Variants in TENM3 observed in about 807,000 individuals in gnomAD.
The protein encoded by TENM3 is teneurin-3.
Under a neutral mutation model 255.1 loss-of-function variants are expected in TENM3, and 63 were observed. The ratio of observed to expected loss-of-function variants is 0.25; its 90% CI spans 0.20 to 0.30. TENM3 has a LOEUF of 0.30. Among genes scored for constraint, TENM3 ranks in the 10% least tolerant of loss-of-function variants. The pLI is 1.00. For synonymous variants in TENM3, 1,306 were observed against 1,322.3 expected, an observed-to-expected ratio of 0.99 and a Z score of 0.27; for missense variants, 2,929 against 3,461.1, an observed-to-expected ratio of 0.85 and a Z score of 3.86.
At chr4:182,378,633 G>C (rs1042327506) in intron 3 of TENM3, among the ~76,000 whole-genome samples, 1 of 152,144 alleles carries the variant, frequency 6.6e-6, no homozygotes, top group Non-Finnish European at 1.5e-5. Context: ...AACAGGCCTC[G>C]GAAGGGTCAC....
chr4:182,393,236 G>A (rs1768559229), intron 3 of TENM3, among the ~76,000 whole-genome samples: 1 of 152,120 alleles, frequency 6.6e-6, no homozygotes, highest in African/African-American at 2.4e-5. Context: ...ACAGTGTTTA[G>A]TTCAATATGG....
chr4:182,014,612 A>AC, the TENM3 span, among the ~76,000 whole-genome samples: 1 of 151,578 alleles, frequency 6.6e-6, no homozygotes. Flanking sequence ...GGCACATTAG[A>AC]TTTATTAAAT....
chr4:181,511,706 G>C, the TENM3 span, among the ~76,000 whole-genome samples: 1 of 152,308 alleles, frequency 6.6e-6, no homozygotes, highest in East Asian at 1.9e-4. Context: ...GGTAGCCAAT[G>C]AGTACAAGAC....
the TENM3 span, among the ~76,000 whole-genome samples, chr4:181,605,574 G>GAGAGAAAGAA: frequency 1.5e-3 from 34 of 22,012 alleles, 2 homozygotes; most frequent in South Asian, 5.6e-3. Context: ...AAGAAAGAGA[G>GAGAGAAAGAA]AGAAAGAAAG....
chr4:181,580,059 G>A, the TENM3 span, among the ~76,000 whole-genome samples: 50 of 151,410 alleles, frequency 3.3e-4, no homozygotes, highest in Middle Eastern at 3.4e-3. Flanking sequence ...GTGCAGTGGC[G>A]CGATCTCAAC....
At chr4:182,299,943 T>G in intron 1 of TENM3, among the ~76,000 whole-genome samples, 1 of 149,148 alleles carries the variant, frequency 6.7e-6, no homozygotes. Context: ...TGAGATGGAG[T>G]CCCACTCTGT....
the TENM3 span, among the ~76,000 whole-genome samples, chr4:181,760,186 TC>T: frequency 1.3e-5 from 2 of 151,510 alleles, no homozygotes; most frequent in Non-Finnish European, 2.9e-5. Flanking sequence ...TGGAAAGATT[TC>T]CCCCTCTTCC....
the TENM3 span, among the ~76,000 whole-genome samples, chr4:181,901,192 T>C: frequency 8.3e-4 from 126 of 152,240 alleles, no homozygotes; most frequent in East Asian, 0.022. Flanking sequence ...CCAAAAAAAA[T>C]ATATGAGCCT....
chr4:181,703,610 G>A, the TENM3 span, among the ~76,000 whole-genome samples: 1 of 152,178 alleles, frequency 6.6e-6, no homozygotes, highest in African/African-American at 2.4e-5. Context: ...CCCCAAAGCA[G>A]AGGAAAGTGT....
the TENM3 span, among the ~76,000 whole-genome samples, chr4:182,097,748 A>T: frequency 6.6e-6 from 1 of 152,208 alleles, no homozygotes; most frequent in Non-Finnish European, 1.5e-5. Context: ...GTGTTTACTT[A>T]TTATGTGCCA....
the TENM3 span, among the ~76,000 whole-genome samples, chr4:181,632,220 G>C: frequency 6.6e-6 from 1 of 152,172 alleles, no homozygotes; most frequent in African/African-American, 2.4e-5. Context: ...TGGCAGGAGA[G>C]AGAGAGTGGA....
At chr4:181,883,416 T>G in the TENM3 span, among the ~76,000 whole-genome samples, 3 of 152,294 alleles carry the variant, frequency 2.0e-5, no homozygotes, top group East Asian at 5.8e-4. Flanking sequence ...GGTATTTTTA[T>G]GTTGTTATGT....
At chr4:182,055,183 C>G in the TENM3 span, among the ~76,000 whole-genome samples, 1 of 151,904 alleles carries the variant, frequency 6.6e-6, no homozygotes, top group Non-Finnish European at 1.5e-5. Flanking sequence ...CCCATCCCTA[C>G]AAAAAATACA....
the TENM3 span, among the ~76,000 whole-genome samples, chr4:181,962,961 C>G: frequency 6.6e-6 from 1 of 152,220 alleles, no homozygotes; most frequent in African/African-American, 2.4e-5. Context: ...GCTACAGCCT[C>G]TCAAGCAAGA....
At chr4:182,785,339 T>C (rs1765555184) in intron 24 of TENM3, among the ~76,000 whole-genome samples, 1 of 151,992 alleles carries the variant, frequency 6.6e-6, no homozygotes, top group Non-Finnish European at 1.5e-5. Context: ...CCCAAAATCT[T>C]GGAATTACAG....
chr4:181,560,718 C>T, the TENM3 span, among the ~76,000 whole-genome samples: 3 of 152,200 alleles, frequency 2.0e-5, no homozygotes, highest in Non-Finnish European at 4.4e-5. Flanking sequence ...CTGCATGACT[C>T]TACCCGTGAG....
the TENM3 span, among the ~76,000 whole-genome samples, chr4:181,508,429 A>T: frequency 6.6e-6 from 1 of 152,276 alleles, no homozygotes; most frequent in Non-Finnish European, 1.5e-5. Flanking sequence ...AATGATCAGC[A>T]GCTGACATTA....
intron 1 of TENM3, among the ~76,000 whole-genome samples, chr4:182,267,246 T>C (rs1759301216): frequency 6.6e-6 from 1 of 152,188 alleles, no homozygotes; most frequent in African/African-American, 2.4e-5. Flanking sequence ...GAACAAAATT[T>C]AAGGCATATT....
chr4:182,458,949 T>C (rs1332353728), intron 3 of TENM3, among the ~76,000 whole-genome samples: 1 of 152,220 alleles, frequency 6.6e-6, no homozygotes, highest in African/African-American at 2.4e-5. Context: ...GTTGTCCTTA[T>C]TATGAATAGA....
Sources: gnomAD v4.1 joint callset for allele counts (sites outside exome capture counted in the v4.1 genomes callset) on GRCh38, gnomAD v4.1.1 for gene constraint, MANE v1.5 for transcripts, NCBI Gene and HGNC (gene_info 2026-07-23, HGNC 2026-07-21) for gene names.